The following NCOA5 variants were observed in gnomAD, a reference collection of about 807,000 sequenced individuals.
NCOA5 encodes NCoA-5.
A neutral mutation model predicts 59.0 loss-of-function variants in NCOA5; 12 were observed. The observed-to-expected ratio is 0.20, with a 90% CI of 0.13 to 0.33. The LOEUF is 0.33. NCOA5 is among the 10% of genes least tolerant of loss of function. NCOA5 has a pLI of 1.00. For synonymous variants in NCOA5, 270 were observed against 275.5 expected (o/e 0.98, Z 0.20); for missense variants, 655 against 766.6 (o/e 0.85, Z 1.72).
chr20:46,070,406 G>T lies in NCOA5; in HGVS notation c.169C>A (p.Pro57Thr). 3 of 1,613,968 alleles carry T rather than the reference G, an allele frequency of 1.9e-6. No homozygotes were observed. Among genetic ancestry groups the T allele is most frequent in the Non-Finnish European group, 2.5e-6 (3 of 1,179,998 alleles). ...DARDSRDIRD[P>T]RDLRDHRHSR... is the part of the protein sequence containing the mutation. ...TGTCTGTGGTCCCGCAAGTCTCGGGGGTCTCGAATGTCTCTGCTGTCCCGG... is the reference window on the plus strand; with the variant it reads ...TGTCTGTGGTCCCGCAAGTCTCGGGTGTCTCGAATGTCTCTGCTGTCCCGG... Residue 57 changes from proline (P) to threonine (T), a missense_variant, in exon 3 of 8, where the codon CCC becomes ACC. Pro to Thr is a conservative substitution (Grantham distance 38, BLOSUM62 -1). Around this residue, in one of 3 missense-constraint regions of NCOA5, gnomAD observed 250 missense variants for 260.1 expected, o/e 0.96. Transcript: ENST00000290231.
intron 1 of NCOA5, among the ~76,000 whole-genome samples, chr20:46,082,034 C>T (rs1200070176): frequency 6.6e-6 from 1 of 151,668 alleles, no homozygotes; most frequent in Non-Finnish European, 1.5e-5. Flanking sequence ...TTTTTTTTGT[C>T]ACAGAATTTG....
In NCOA5 at chr20:46,062,273, G is replaced by T; in HGVS notation, c.*27C>A. On this transcript the variant is annotated 3_prime_UTR_variant, in exon 8 of 8. Transcript: ENST00000290231. ...GTGGGAGGAGGCCAGGGGATGAGGG[G>T]ACTGGGGAGAGTTGAAAGATTTAGC... is the stretch of plus-strand genomic sequence containing the variant. 1 of 1,574,766 alleles carries T rather than the reference G, an allele frequency of 6.4e-7. No individual in the cohort carries two copies. Among genetic ancestry groups the T allele is most frequent in the South Asian group, 1.1e-5 (1 of 88,838 alleles).
In NCOA5 at chr20:46,066,124, C is replaced by T. The variant is rs148564344; in HGVS notation, c.630-896G>A. Among the ~76,000 whole-genome samples, 958 of 152,244 alleles carry T rather than the reference C, an allele frequency of 6.3e-3. 2 individuals are homozygous for T. The highest frequency in any genetic ancestry group is 0.01 in the Non-Finnish European group (693 of 68,024). On this transcript the variant is annotated intron_variant, in intron 5 of 7. Coordinates refer to ENST00000290231, the MANE Select transcript of NCOA5 (RefSeq NM_020967.3). Reference sequence around the variant, plus strand: ...TCCCTAGTCACTGCCTTGAAATTAGCTCTTTAACCCCAAACTGCTAGAAAA... The same window carrying T: ...TCCCTAGTCACTGCCTTGAAATTAGTTCTTTAACCCCAAACTGCTAGAAAA...
chr20:46,062,735 G>T lies in NCOA5; in HGVS notation c.1305C>A (p.Ile435=), dbSNP rs760743100. ...CTGTGCCACTATTGAAGAGGCTGAG[G>T]ATTTTGGCCTGAAGCTCTTGCTGGG... is the stretch of plus-strand genomic sequence containing the variant. ...PTSQQELQAK[I]LSLFNSGTVT... Residue 435 remains isoleucine (I), a synonymous_variant, in exon 8 of 8, where the codon ATC becomes ATA. Transcript: ENST00000290231. The T allele has an allele frequency of 6.2e-7, 1 of 1,613,062 alleles. No homozygotes were observed. The highest frequency in any genetic ancestry group is 2.2e-5 in the East Asian group (1 of 44,860).
intron 5 of NCOA5, among the ~76,000 whole-genome samples, chr20:46,066,082 G>T (rs746216288): frequency 1.3e-5 from 2 of 152,078 alleles, no homozygotes; most frequent in Non-Finnish European, 2.9e-5. Context: ...CTACTGCTTG[G>T]TGTCTCAACA....
intron 3 of NCOA5, among the ~76,000 whole-genome samples, 175 bp from the exon 4 acceptor site, chr20:46,068,813 C>CT (rs2084851693): frequency 1.3e-5 from 2 of 152,210 alleles, no homozygotes; most frequent in African/African-American, 4.8e-5. Flanking sequence ...ACAGAAAGCA[C>CT]TTAGCATGGT....
chr20:46,064,304 G>A (rs1456097387), intron 6 of NCOA5, among the ~76,000 whole-genome samples: 2 of 152,188 alleles, frequency 1.3e-5, no homozygotes, highest in East Asian at 1.9e-4. Flanking sequence ...TGGTTATGAG[G>A]GTAATGGGTG....
chr20:46,065,155 C>T lies in NCOA5; in HGVS notation c.703G>A (p.Glu235Lys). The T allele has an allele frequency of 6.2e-7, 1 of 1,614,200 alleles. No individual in the cohort carries two copies. Among genetic ancestry groups the T allele is most frequent in the Non-Finnish European group, 8.5e-7 (1 of 1,180,036 alleles). Residue 235 changes from glutamate to lysine, a missense_variant, in exon 6 of 8, where the codon GAA becomes AAA. By Grantham distance (56) the Glu-to-Lys change is moderately conservative (BLOSUM62 1). Transcript: ENST00000290231. The part of the protein sequence containing the change: ...MVVDLIFLNT[E>K]VSLSQALEDV... ...TCCAAGGCTTGTGACAGTGACACTT[C>T]TGTGTTAAGGAAGATCAAGTCCACT... is the stretch of plus-strand genomic sequence containing the variant.
At chr20:46,077,957 T>C (rs1568885429) in intron 2 of NCOA5, among the ~76,000 whole-genome samples, 1 of 152,192 alleles carries the variant, frequency 6.6e-6, no homozygotes, top group Admixed American at 6.5e-5. Context: ...TACTCACACA[T>C]ACACACAAAT....
chr20:46,077,343 G>A (rs776872685), intron 2 of NCOA5, among the ~76,000 whole-genome samples: 1 of 152,136 alleles, frequency 6.6e-6, no homozygotes, highest in Non-Finnish European at 1.5e-5. Context: ...CTCTGGCAAC[G>A]GCTATTACTG....
chr20:46,069,895 T>C (rs11907668), intron 3 of NCOA5, among the ~76,000 whole-genome samples: 12 of 152,334 alleles, frequency 7.9e-5, no homozygotes, highest in African/African-American at 1.2e-4. Flanking sequence ...GATCATATGG[T>C]AATTCTATGT....
intron 4 of NCOA5, among the ~76,000 whole-genome samples, 182 bp from the exon 5 acceptor site, chr20:46,067,363 C>T (rs1189325590): frequency 6.6e-6 from 1 of 152,054 alleles, no homozygotes; most frequent in Non-Finnish European, 1.5e-5. Context: ...GATTAAAGGA[C>T]GTGGCCATTT....
chr20:46,064,485 C>T (rs1486299926), intron 6 of NCOA5, among the ~76,000 whole-genome samples: 1 of 152,194 alleles, frequency 6.6e-6, no homozygotes, highest in South Asian at 2.1e-4. Context: ...GTCACGGCCT[C>T]TTAGCCCCTC....
At chr20:46,074,364 G>A (rs2084914323) in intron 2 of NCOA5, among the ~76,000 whole-genome samples, 2 of 152,152 alleles carry the variant, frequency 1.3e-5, no homozygotes, top group African/African-American at 4.8e-5. Flanking sequence ...AGCATAATAA[G>A]GTTAACAATA....
At chr20:46,073,787 C>G (rs1325860969) in intron 2 of NCOA5, among the ~76,000 whole-genome samples, 3 of 152,196 alleles carry the variant, frequency 2.0e-5, no homozygotes. Flanking sequence ...GGTCCTCATT[C>G]TTTTGAATCC....
chr20:46,089,704 C>T (rs937845578), intron 1 of NCOA5, 113 bp downstream of exon 1: 5 of 152,062 alleles, frequency 3.3e-5, no homozygotes, highest in African/African-American at 9.7e-5. Flanking sequence ...AGACCGTGGC[C>T]GCGCGTCGAG....
chr20:46,068,976 A>AT (rs199693928), intron 3 of NCOA5, among the ~76,000 whole-genome samples: 561 of 149,792 alleles, frequency 3.7e-3, no homozygotes, highest in Middle Eastern at 0.024. Flanking sequence ...TATTATTATT[A>AT]TTTTTTTTTT....
chr20:46,089,554 G>A (rs1399322821), intron 1 of NCOA5, among the ~76,000 whole-genome samples: 2 of 152,194 alleles, frequency 1.3e-5, no homozygotes, highest in African/African-American at 4.8e-5. Context: ...AGGCGGCTGC[G>A]ATGCGACGCC....
intron 1 of NCOA5, among the ~76,000 whole-genome samples, chr20:46,082,913 T>C (rs2085006652): frequency 6.6e-6 from 1 of 152,200 alleles, no homozygotes; most frequent in Non-Finnish European, 1.5e-5. Context: ...TATTTTAGAC[T>C]AATATGCCAG....
Sources: gnomAD v4.1 joint callset for allele counts (sites outside exome capture counted in the v4.1 genomes callset) on GRCh38, gnomAD v4.1.1 for gene constraint, gnomAD v4.1.1 regional missense constraint, MANE v1.5 for transcripts, NCBI Gene and HGNC (gene_info 2026-07-23, HGNC 2026-07-21) for gene names.